The following SPDYC variants were observed in gnomAD, a reference collection of about 807,000 sequenced individuals.
SPDYC encodes speedy/RINGO cell cycle regulator family member C.
In SPDYC, 25 loss-of-function variants were observed where a neutral mutation model predicts 33.9. That is an observed-to-expected ratio of 0.74 (90% CI 0.54 to 1.03). The LOEUF (loss-of-function observed/expected upper bound fraction) is 1.03, where lower values mean the gene tolerates loss of function less well. Among genes scored for constraint, SPDYC ranks in the 50% least tolerant of loss-of-function variants. SPDYC has a pLI of 0.00. For missense variants in SPDYC, 349 were observed against 382.9 expected (o/e 0.91, Z 0.74); for synonymous variants, 133 against 140.2 (o/e 0.95, Z 0.36).
At chr11:65,170,261 G>T (rs758471997) in exon 1 of SPDYC, 1 of 1,581,676 alleles carries the variant, frequency 6.3e-7, no homozygotes, top group Non-Finnish European at 8.6e-7. Flanking sequence ...CCTGAGCTCG[G>T]GTAAGGCTCG....
At chr11:65,170,320 A>T in intron 1 of SPDYC, 59 bp downstream of exon 1, 1 of 1,528,136 alleles carries the variant, frequency 6.5e-7, no homozygotes, top group South Asian at 1.2e-5. Flanking sequence ...GGAGGGGCCC[A>T]GATTGGCCCT....
chr11:65,173,313 C>A, downstream of SPDYC: 1 of 1,410,522 alleles, frequency 7.1e-7, no homozygotes, highest in South Asian at 1.3e-5. Context: ...CAGCCTGCAG[C>A]TTGTGCCCAC....
In SPDYC at chr11:65,172,427, T is replaced by C; in HGVS notation, c.345-7T>C. ...TCTGCTCCCTGACCTTGTGCCTCTG[T>C]GGCTAGGTACCTTGCAAACGACATG... is the stretch of plus-strand genomic sequence containing the variant. On this transcript the variant is annotated splice_polypyrimidine_tract_variant and splice_region_variant and intron_variant, in intron 4 of 6. Transcript: ENST00000377185. 3 of 1,608,434 alleles carry C rather than the reference T, an allele frequency of 1.9e-6. No individual in the cohort carries two copies. Among genetic ancestry groups the C allele is most frequent in the Non-Finnish European group, 2.6e-6 (3 of 1,175,502 alleles).
exon 5 of SPDYC, chr11:65,172,568 G>A (rs1218393550): frequency 6.4e-7 from 1 of 1,557,490 alleles, no homozygotes; most frequent in East Asian, 2.3e-5. Flanking sequence ...GCACGGATGG[G>A]TTTCCGGGCT....
intron 6 of SPDYC, 42 bp downstream of exon 6, chr11:65,173,056 G>A (rs1268985632): frequency 6.2e-7 from 1 of 1,602,598 alleles, no homozygotes; most frequent in Admixed American, 1.7e-5. Context: ...TGGTGTGGGA[G>A]CTTGGGAGGC....
Position 65,170,243 on chromosome 11 carries a change from G to A in SPDYC, c.8G>A (p.Trp3Ter). ...CGCGGCGGCGTTGGTGTTATGCTCT[G>A]GGCCATTCCTGAGCTCGGGTAAGGC... Residue 3 changes from tryptophan (W) to a stop codon, truncating the protein, a stop_gained, in exon 1 of 7, where the codon TGG becomes TAG. It introduces an in-frame stop codon into an upstream open reading frame of the 5' UTR. Coordinates refer to ENST00000377185, the Ensembl canonical transcript of SPDYC. LOFTEE classifies it high-confidence loss of function. 1.3e-6 allele frequency: 2 copies of A among 1,579,226 alleles called. No individual in the cohort carries two copies. The highest frequency in any genetic ancestry group is 1.7e-6 in the Non-Finnish European group (2 of 1,161,626).
Position 65,173,173 on chromosome 11 carries a change from C to T in SPDYC, c.848-10C>T. The T allele has an allele frequency of 6.2e-7, 1 of 1,613,948 alleles. No homozygotes were observed. Among genetic ancestry groups the T allele is most frequent in the Non-Finnish European group, 8.5e-7 (1 of 1,179,922 alleles). On this transcript the variant is annotated splice_polypyrimidine_tract_variant and intron_variant, in intron 6 of 6. Transcript: ENST00000377185. ...TTTCTTCTCTGAGCCTCACTCTTTC[C>T]TCTCCCCAGTCTTCCCAAAGCCTCC...
exon 5 of SPDYC, chr11:65,172,451 T>G (rs148034814): frequency 4.3e-5 from 68 of 1,599,178 alleles, no homozygotes; most frequent in Non-Finnish European, 5.6e-5. Flanking sequence ...GCAAACGACA[T>G]GGAGGAGGAC....
chr11:65,173,351 C>G, downstream of SPDYC: 1 of 1,102,704 alleles, frequency 9.1e-7, no homozygotes, highest in South Asian at 1.5e-5. Context: ...CTAATAAATT[C>G]ATGTCCACAG....
In SPDYC at chr11:65,170,276, A is replaced by AGGAGGAG; in HGVS notation, c.26+17_26+23dup. ...CCTGAGCTCGGGTAAGGCTCGCTGC[A>AGGAGGAG]GGAGGAGGCTGGGTTGCTTGCGGGC... On this transcript the variant is annotated intron_variant, in intron 1 of 6. Coordinates refer to ENST00000377185, the Ensembl canonical transcript of SPDYC. 1 of 1,577,456 alleles carries AGGAGGAG rather than the reference A, an allele frequency of 6.3e-7. No individual in the cohort carries two copies. Among genetic ancestry groups the AGGAGGAG allele is most frequent in the South Asian group, 1.1e-5 (1 of 87,204 alleles).
In SPDYC at chr11:65,170,278, G is replaced by A. The variant is rs761750375; in HGVS notation, c.26+17G>A. On this transcript the variant is annotated intron_variant, in intron 1 of 6. Transcript: ENST00000377185. ...TGAGCTCGGGTAAGGCTCGCTGCAG[G>A]AGGAGGCTGGGTTGCTTGCGGGCGC... 4 of 1,577,928 alleles carry A rather than the reference G, an allele frequency of 2.5e-6. No individual in the cohort carries two copies. The highest frequency in any genetic ancestry group is 3.4e-4 in the Middle Eastern group (2 of 5,934).
exon 6 of SPDYC, chr11:65,172,780 C>A: frequency 6.2e-7 from 1 of 1,614,022 alleles, no homozygotes; most frequent in Admixed American, 1.7e-5. Context: ...CCCTGTTCGC[C>A]TTCCCCGGGG....
chr11:65,172,208 G>C, intron 3 of SPDYC, 38 bp from the exon 4 acceptor site: 1 of 1,612,284 alleles, frequency 6.2e-7, no homozygotes, highest in Non-Finnish European at 8.5e-7. Flanking sequence ...CTCCTCCTCA[G>C]AGAATAACTA....
At position 65,171,446 on chromosome 11, in the gene SPDYC, GGTTCCTCC is replaced by G; in HGVS notation, c.150_157del (p.Leu51SerfsTer33). The G allele has an allele frequency of 6.3e-7, 1 of 1,598,868 alleles. No homozygotes were observed. Among genetic ancestry groups the G allele is most frequent in the Non-Finnish European group, 8.5e-7 (1 of 1,174,342 alleles). The stretch of plus-strand genomic sequence containing the variant: ...TGCAGCCGGCAAGGTGGGGGCAATG[GGTTCCTCC>G]GTTTTCGCCAGCACCAGGAGGTCCA... On this transcript the variant is annotated frameshift_variant, in exon 2 of 7. Coordinates refer to ENST00000377185, the Ensembl canonical transcript of SPDYC. LOFTEE classifies it high-confidence loss of function.
At chr11:65,173,213 A>G in exon 7 of SPDYC, 1 of 1,613,922 alleles carries the variant, frequency 6.2e-7, no homozygotes, top group South Asian at 1.1e-5. Flanking sequence ...CGCCCTGGGC[A>G]CTGAAGCTCT....
At chr11:65,172,261 G>A in exon 4 of SPDYC, 2 of 1,614,064 alleles carry the variant, frequency 1.2e-6, no homozygotes, top group Non-Finnish European at 1.7e-6. Context: ...CCTGGCCATG[G>A]TGCTGGTCTA....
exon 2 of SPDYC, chr11:65,171,337 C>T: frequency 1.2e-6 from 2 of 1,609,624 alleles, no homozygotes; most frequent in Non-Finnish European, 1.7e-6. Flanking sequence ...GTCACCCTGC[C>T]CCATCTCCAT....
chr11:65,172,950 T>G, exon 6 of SPDYC: 1 of 1,613,982 alleles, frequency 6.2e-7, no homozygotes, highest in Non-Finnish European at 8.5e-7. Flanking sequence ...ACGCCTGGGG[T>G]GGGGACTTTC....
intron 6 of SPDYC, 51 bp from the exon 7 acceptor site, chr11:65,173,132 G>C: frequency 1.2e-6 from 2 of 1,609,976 alleles, no homozygotes; most frequent in Non-Finnish European, 1.7e-6. Flanking sequence ...TGCCCCTCCC[G>C]TGTGAGCTTG....
Sources: allele counts gnomAD v4.1 joint callset, GRCh38; gene constraint gnomAD v4.1.1; transcripts MANE v1.5; gene names NCBI Gene and HGNC (gene_info 2026-07-23, HGNC 2026-07-21).